SLC6A2: variants seen among roughly 807,000 people sequenced by gnomAD.
The protein encoded by SLC6A2 is sodium-dependent noradrenaline transporter.
Under a neutral mutation model 71.7 loss-of-function variants are expected in SLC6A2, and 26 were observed. The ratio of observed to expected loss-of-function variants is 0.36; its 90% CI spans 0.27 to 0.50. The LOEUF is 0.50. Among genes scored for constraint, SLC6A2 ranks in the 20% least tolerant of loss-of-function variants. The pLI is 0.96. For synonymous variants in SLC6A2, 363 were observed against 337.9 expected, an observed-to-expected ratio of 1.07 and a Z score of -0.82; for missense variants, 581 against 803.9, an observed-to-expected ratio of 0.72 and a Z score of 3.35.
At chr16:55,686,176 G>A (rs1965445985) in intron 5 of SLC6A2, among the ~76,000 whole-genome samples, 1 of 152,274 alleles carries the variant, frequency 6.6e-6, no homozygotes, top group East Asian at 1.9e-4. Flanking sequence ...TGGTTCTTCT[G>A]CTCCATGTGA....
chr16:55,683,842 C>T (rs1965360004), intron 4 of SLC6A2, among the ~76,000 whole-genome samples: 1 of 152,086 alleles, frequency 6.6e-6, no homozygotes, highest in Non-Finnish European at 1.5e-5. Flanking sequence ...CCCTCAACCC[C>T]ATCCCAGGGT....
intron 4 of SLC6A2, among the ~76,000 whole-genome samples, chr16:55,681,039 C>T (rs566645980): frequency 3.3e-5 from 5 of 152,234 alleles, no homozygotes; most frequent in African/African-American, 1.2e-4. Flanking sequence ...GCTTTCTGGC[C>T]AGCAGAGAAG....
chr16:55,686,812 C>T (rs915802482), intron 5 of SLC6A2, among the ~76,000 whole-genome samples: 2 of 152,184 alleles, frequency 1.3e-5, no homozygotes, highest in Admixed American at 6.5e-5. Flanking sequence ...GAAAGTCTAG[C>T]GTTGAGCAAA....
intron 9 of SLC6A2, among the ~76,000 whole-genome samples, chr16:55,697,392 C>A (rs199562834): frequency 6.6e-6 from 1 of 152,128 alleles, no homozygotes; most frequent in East Asian, 1.9e-4. Flanking sequence ...GGATATGAGA[C>A]CCTTTCAGAC....
At chr16:55,675,757 T>C (rs1051168289) in intron 4 of SLC6A2, among the ~76,000 whole-genome samples, 2 of 150,216 alleles carry the variant, frequency 1.3e-5, no homozygotes, top group East Asian at 3.9e-4. Context: ...TGCTACTGTA[T>C]TGGGCAGTGC....
chr16:55,683,297 G>C (rs1390202481), intron 4 of SLC6A2, among the ~76,000 whole-genome samples: 1 of 152,000 alleles, frequency 6.6e-6, no homozygotes, highest in Non-Finnish European at 1.5e-5. Flanking sequence ...AGACCACCTT[G>C]GATTGTTTGT....
chr16:55,694,770 G>A (rs567780937), intron 7 of SLC6A2, among the ~76,000 whole-genome samples: 9 of 152,292 alleles, frequency 5.9e-5, no homozygotes, highest in Non-Finnish European at 1.2e-4. Flanking sequence ...AGGTGAATTT[G>A]AGATGAGCCT....
At chr16:55,700,933 C>A (rs552083215) in intron 13 of SLC6A2, among the ~76,000 whole-genome samples, 1 of 152,206 alleles carries the variant, frequency 6.6e-6, no homozygotes, top group East Asian at 1.9e-4. Flanking sequence ...GAAATTATGT[C>A]ACTCCTATTT....
chr16:55,702,769 T>G lies in SLC6A2; in HGVS notation c.*423T>G. On this transcript the variant is annotated 3_prime_UTR_variant, in exon 15 of 15. Transcript: ENST00000568943. Reference sequence around the variant, plus strand: ...TCCCAAAAAAAAAAAAAACTAAAACTAAAGCAAAAATCAAACAAAATCTGG... The same window carrying G: ...TCCCAAAAAAAAAAAAAACTAAAACGAAAGCAAAAATCAAACAAAATCTGG... 1.0e-6 allele frequency: 1 copy of G among 952,926 alleles called. No individual in the cohort carries two copies. The allele number at this position is 952,926 out of a possible 1,614,324, so 59.0% of individuals were successfully genotyped here.
chr16:55,690,183 A>G (rs1965572361), intron 5 of SLC6A2, among the ~76,000 whole-genome samples: 2 of 151,930 alleles, frequency 1.3e-5, no homozygotes, highest in African/African-American at 2.4e-5. Context: ...CAATCCAATC[A>G]TTCATCTACA....
At chr16:55,681,003 C>T (rs1188286697) in intron 4 of SLC6A2, among the ~76,000 whole-genome samples, 1 of 152,054 alleles carries the variant, frequency 6.6e-6, no homozygotes, top group Non-Finnish European at 1.5e-5. Flanking sequence ...ATTGCTCCCT[C>T]CCCTACACCT....
intron 8 of SLC6A2, among the ~76,000 whole-genome samples, chr16:55,696,019 A>ACTG (rs1217502329): frequency 1.3e-5 from 2 of 152,164 alleles, no homozygotes; most frequent in Non-Finnish European, 2.9e-5. Flanking sequence ...CAGGCAGGGA[A>ACTG]CTGCTCTCCA....
chr16:55,690,514 T>C (rs1161438209), intron 5 of SLC6A2, among the ~76,000 whole-genome samples: 1 of 152,176 alleles, frequency 6.6e-6, no homozygotes, highest in Non-Finnish European at 1.5e-5. Context: ...TCCAGGGATT[T>C]GAGGGGTGGA....
intron 4 of SLC6A2, among the ~76,000 whole-genome samples, chr16:55,681,071 G>T (rs555673783): frequency 6.6e-6 from 1 of 152,106 alleles, no homozygotes; most frequent in Non-Finnish European, 1.5e-5. Context: ...CTTCACAGCG[G>T]AGTCTCCCCA....
chr16:55,668,698 T>G (rs1191139732), intron 2 of SLC6A2, among the ~76,000 whole-genome samples: 1 of 152,178 alleles, frequency 6.6e-6, no homozygotes, highest in African/African-American at 2.4e-5. Flanking sequence ...TCTCTGCAAC[T>G]CAGACACGTC....
At chr16:55,702,042 C>A in intron 14 of SLC6A2, 108 bp downstream of exon 14, 2 of 912,612 alleles carry the variant, frequency 2.2e-6, no homozygotes, top group South Asian at 1.4e-5. Flanking sequence ...ACCCAGAAAC[C>A]CAGTGTGAGC....
intron 4 of SLC6A2, among the ~76,000 whole-genome samples, chr16:55,678,937 T>A (rs1259447303): frequency 6.6e-6 from 1 of 152,224 alleles, no homozygotes; most frequent in Non-Finnish European, 1.5e-5. Context: ...ATCTTTTCAC[T>A]GATGAAATAC....
chr16:55,691,737 G>A (rs1413358540), intron 5 of SLC6A2, among the ~76,000 whole-genome samples, 181 bp from the exon 6 acceptor site: 1 of 152,176 alleles, frequency 6.6e-6, no homozygotes, highest in African/African-American at 2.4e-5. Flanking sequence ...CCGTTTGCTG[G>A]TCTAGCCCTG....
At chr16:55,674,611 G>C (rs1239136118) in intron 4 of SLC6A2, among the ~76,000 whole-genome samples, 1 of 152,008 alleles carries the variant, frequency 6.6e-6, no homozygotes, top group African/African-American at 2.4e-5. Context: ...TTTTAGTAGA[G>C]ACAGGGTTTC....
Sources: gnomAD v4.1 joint callset for allele counts (sites outside exome capture counted in the v4.1 genomes callset) on GRCh38, gnomAD v4.1.1 for gene constraint, MANE v1.5 for transcripts, NCBI Gene and HGNC (gene_info 2026-07-23, HGNC 2026-07-21) for gene names.